C6: variants seen among roughly 807,000 people sequenced by gnomAD.
C6 encodes the protein complement component C6.
C6 carries 101 observed loss-of-function variants against 112.9 expected under a neutral mutation model. The ratio of observed to expected loss-of-function variants is 0.89; its 90% CI spans 0.76 to 1.06. The LOEUF is 1.06. Among genes scored for constraint, C6 ranks in the 50% least tolerant of loss-of-function variants. The pLI is 0.00. For missense variants in C6, 1,202 were observed against 1,104.6 expected (o/e 1.09, Z -1.25); for synonymous variants, 431 against 384.1 (o/e 1.12, Z -1.43).
chr5:41,172,638 T>C (rs1039012697), intron 8 of C6: 2 of 482,552 alleles, frequency 4.1e-6, no homozygotes, highest in African/African-American at 2.0e-5. Context: ...ATGGGGATGG[T>C]GATGTCCTGT....
intron 15 of C6, among the ~76,000 whole-genome samples, chr5:41,150,413 GT>G (rs1289676419): frequency 6.6e-6 from 1 of 152,156 alleles, no homozygotes; most frequent in Non-Finnish European, 1.5e-5. Flanking sequence ...AGTCTTGTGG[GT>G]GCAGACAGAC....
upstream of C6, chr5:41,213,684 T>C: frequency 3.7e-5 from 9 of 243,412 alleles, no homozygotes; most frequent in Non-Finnish European, 5.3e-5. Context: ...AGGGCTATTG[T>C]AGTAGCTATT....
chr5:41,161,236 T>A (rs1052051813), intron 10 of C6, among the ~76,000 whole-genome samples: 1 of 152,162 alleles, frequency 6.6e-6, no homozygotes, highest in Non-Finnish European at 1.5e-5. Context: ...CCTTTTAATG[T>A]AATTACAACA....
upstream of C6, among the ~76,000 whole-genome samples, chr5:41,216,744 C>A (rs370182151): frequency 1.2e-3 from 184 of 152,178 alleles, 1 homozygote; most frequent in African/African-American, 4.3e-3. Context: ...GAAACCATAC[C>A]TTGAAGATTG....
At chr5:41,218,227 A>C (rs1382850573), upstream of C6, among the ~76,000 whole-genome samples, 1 of 152,184 alleles carries the variant, frequency 6.6e-6, no homozygotes, top group Non-Finnish European at 1.5e-5. Context: ...CCGTCTATTC[A>C]CAGAAATCGT....
intron 3 of C6, among the ~76,000 whole-genome samples, chr5:41,200,176 T>A (rs1281129751): frequency 1.3e-5 from 2 of 152,196 alleles, no homozygotes; most frequent in East Asian, 3.8e-4. Context: ...CCATATGGTT[T>A]ATACGTTTTC....
intron 14 of C6, 75 bp from the exon 15 acceptor site, chr5:41,154,073 C>A: frequency 7.8e-7 from 1 of 1,288,974 alleles, no homozygotes; most frequent in Non-Finnish European, 1.1e-6. Context: ...TTTGTGCAAC[C>A]AAAGAGGTGA....
At chr5:41,147,009 C>T (rs1052374691) in intron 17 of C6, among the ~76,000 whole-genome samples, 9 of 152,068 alleles carry the variant, frequency 5.9e-5, no homozygotes, top group Non-Finnish European at 1.3e-4. Context: ...ACACTAAATA[C>T]AGCCCCAAAT....
rs1751175467 is a variant in C6, at chr5:41,203,241, C to G, written c.-11G>C. The stretch of plus-strand genomic sequence containing the variant: ...AGAGCGTCTGGCCATGCCTTGAGAG[C>G]CTCCAGGCCCTAAAATGAAAGAATA... On this transcript the variant is annotated 5_prime_UTR_variant, in exon 2 of 18. Coordinates refer to ENST00000337836, the MANE Select transcript of C6 (RefSeq NM_000065.5). 6.2e-7 allele frequency: 1 copy of G among 1,613,788 alleles called. No homozygotes were observed. Among genetic ancestry groups the G allele is most frequent in the Non-Finnish European group, 8.5e-7 (1 of 1,179,812 alleles).
At chr5:41,238,934 T>C (rs555755938) in intron 1 of C6, among the ~76,000 whole-genome samples, 2 of 152,218 alleles carry the variant, frequency 1.3e-5, no homozygotes, top group African/African-American at 4.8e-5. Flanking sequence ...AGCAGGCTAA[T>C]AACATTCCTA....
chr5:41,215,256 T>G (rs1237911678), upstream of C6, among the ~76,000 whole-genome samples: 1 of 152,184 alleles, frequency 6.6e-6, no homozygotes, highest in Non-Finnish European at 1.5e-5. Context: ...CTGAAAAGCC[T>G]AAAATATTTA....
In C6 at chr5:41,158,197, T is replaced by TA. The variant is rs61035999; in HGVS notation, c.1968+476dup. On this transcript the variant is annotated intron_variant, in intron 13 of 17. Coordinates refer to ENST00000337836, the MANE Select transcript of C6 (RefSeq NM_000065.5). ...ATCATAGAAACATGTTGTGGCTTGG[T>TA]AAAAAAAAAAGTTGAAACTTAAAGG... Among the ~76,000 whole-genome samples the TA allele has an allele frequency of 2.8e-3, 423 of 148,854 alleles. 6 individuals carry two copies. In the East Asian group the frequency reaches 0.059, roughly 21 times the overall value.
chr5:41,145,569 C>A (rs1228823080), intron 17 of C6, among the ~76,000 whole-genome samples: 1 of 152,188 alleles, frequency 6.6e-6, no homozygotes, highest in East Asian at 1.9e-4. Context: ...GACATCGATT[C>A]TTTCCCATGT....
At position 41,142,565 on chromosome 5, in the gene C6, T is replaced by C. The variant is rs772974738; in HGVS notation, c.*260A>G. 9 of 510,176 alleles carry C rather than the reference T, an allele frequency of 1.8e-5. No homozygotes were observed. The highest frequency in any genetic ancestry group is 3.2e-5 in the Non-Finnish European group (9 of 281,028). The allele number at this position is 510,176 out of a possible 1,614,324, so 31.6% of individuals were successfully genotyped here. A position where few individuals can be genotyped will look rare whatever the true frequency, so the allele number is the denominator to read the frequency against. ...CAGAAGTCACATTATTTTTGTACAA[T>C]GTGAACAGGAGAATTTACGAGACTG... On this transcript the variant is annotated 3_prime_UTR_variant, in exon 18 of 18. Coordinates refer to ENST00000337836, the MANE Select transcript of C6 (RefSeq NM_000065.5).
At position 41,257,009 on chromosome 5, in the gene C6, T is replaced by TTTTA. The variant is rs751321486; in HGVS notation, c.-21+4181_-21+4184dup. Reference sequence around the variant, plus strand: ...AAATACTACAGAGAGTACTTCCAAGTTTTATTTATTTATTTATTATTTTTC... The same window carrying TTTTA: ...AAATACTACAGAGAGTACTTCCAAGTTTTATTTATTTATTTATTTATTATTTTTC... On this transcript the variant is annotated intron_variant, in intron 1 of 17. Coordinates refer to the C6 transcript ENST00000263413. 1.2e-3 allele frequency among the ~76,000 whole-genome samples: 184 copies of TTTTA among 152,206 alleles called. 1 individual carries two copies. The highest frequency in any genetic ancestry group is 4.3e-3 in the African/African-American group (179 of 41,528).
intron 9 of C6, among the ~76,000 whole-genome samples, chr5:41,170,517 T>C (rs954342116): frequency 6.6e-6 from 1 of 152,046 alleles, no homozygotes; most frequent in African/African-American, 2.4e-5. Context: ...TCTGTATTCA[T>C]ATTTTGGTTA....
chr5:41,200,046 T>C, intron 3 of C6, 134 bp from the exon 4 acceptor site: 1 of 800,794 alleles, frequency 1.2e-6, no homozygotes, highest in South Asian at 1.5e-5. Flanking sequence ...CTAATGATTC[T>C]TCCAATTCCA....
At chr5:41,148,450 G>A (rs1580025846) in intron 17 of C6, among the ~76,000 whole-genome samples, 1 of 152,204 alleles carries the variant, frequency 6.6e-6, no homozygotes, top group East Asian at 1.9e-4. Flanking sequence ...TTTTTTATGG[G>A]GTGCTTATCT....
intron 14 of C6, 56 bp downstream of exon 14, chr5:41,154,916 A>G (rs1746748200): frequency 1.3e-6 from 2 of 1,566,506 alleles, no homozygotes; most frequent in Non-Finnish European, 1.8e-6. Flanking sequence ...CTGTTTTTAT[A>G]TTGGGCACAT....
Sources: gnomAD v4.1 joint callset for allele counts (sites outside exome capture counted in the v4.1 genomes callset) on GRCh38, gnomAD v4.1.1 for gene constraint, MANE v1.5 for transcripts, NCBI Gene and HGNC (gene_info 2026-07-23, HGNC 2026-07-21) for gene names.